The following PDE1C variants were observed in gnomAD, a reference collection of about 807,000 sequenced individuals.
PDE1C encodes the protein dual specificity calcium/calmodulin-dependent 3',5'-cyclic nucleotide phosphodiesterase 1C.
A neutral mutation model predicts 93.1 loss-of-function variants in PDE1C; 62 were observed. That is an observed-to-expected ratio of 0.67 (90% confidence interval 0.54 to 0.82). PDE1C has a LOEUF of 0.82. PDE1C is among the 40% of genes least tolerant of loss of function. The pLI is 0.00. For missense variants in PDE1C, 742 were observed against 884.6 expected (o/e 0.84, Z 2.04); for synonymous variants, 325 against 310.1 (o/e 1.05, Z -0.50).
rs537011653 is a variant in PDE1C, at chr7:32,046,418, TC to T, written c.128+5135del. 2.7e-3 allele frequency among the ~76,000 whole-genome samples: 408 copies of T among 152,236 alleles called. 1 individual carries two copies. The highest frequency in any genetic ancestry group is 9.1e-3 in the African/African-American group (378 of 41,528). ...AGAGTATATGATAATGTAAGTATCC[TC>T]CCAACAGATCTGATTGTTCCCAATG... On this transcript the variant is annotated intron_variant, in intron 2 of 17. Transcript: ENST00000396191.
intron 15 of PDE1C, among the ~76,000 whole-genome samples, chr7:31,812,745 A>T (rs1411074247): frequency 6.6e-6 from 1 of 152,142 alleles, no homozygotes; most frequent in Non-Finnish European, 1.5e-5. Context: ...CCTTATAGAA[A>T]AAGCATGCCA....
At position 31,850,701 on chromosome 7, in the gene PDE1C, G is replaced by A; in HGVS notation, c.791C>T (p.Ser264Leu). Residue 264 changes from serine to leucine, a missense_variant, in exon 8 of 18, where the codon TCA becomes TTA. Coordinates refer to ENST00000396191, the MANE Select transcript of PDE1C (RefSeq NM_001191057.4). ...ATGCTCGTAGTCATGGATGGCAGCTGAGAAGATTATAGCAAAGATCTCCAG... is the reference window on the plus strand; with the variant it reads ...ATGCTCGTAGTCATGGATGGCAGCTAAGAAGATTATAGCAAAGATCTCCAG... Reference protein sequence around the residue: ...TELEIFAIIFSAAIHDYEHTG... With the variant: ...TELEIFAIIFLAAIHDYEHTG... 1 of 1,613,438 alleles carries A rather than the reference G, an allele frequency of 6.2e-7. No individual in the cohort carries two copies. Among genetic ancestry groups the A allele is most frequent in the Non-Finnish European group, 8.5e-7 (1 of 1,179,512 alleles).
At chr7:31,828,089 T>C (rs992518349) in intron 12 of PDE1C, among the ~76,000 whole-genome samples, 4 of 152,140 alleles carry the variant, frequency 2.6e-5, no homozygotes, top group African/African-American at 7.2e-5. Flanking sequence ...AAGAGTATCA[T>C]TGTCCAATTC....
At chr7:31,651,233 A>G in the PDE1C span, 1 of 1,613,472 alleles carries the variant, frequency 6.2e-7, no homozygotes, top group African/African-American at 1.3e-5. Context: ...ATGGGACAGC[A>G]GGCCCTCTTT....
At chr7:31,957,260 T>A (rs1175514374) in intron 2 of PDE1C, among the ~76,000 whole-genome samples, 1 of 151,534 alleles carries the variant, frequency 6.6e-6, no homozygotes, top group Non-Finnish European at 1.5e-5. Context: ...GAATAATGCA[T>A]CAGTTTTCCA....
chr7:31,643,711 A>G, the PDE1C span: 9 of 1,614,038 alleles, frequency 5.6e-6, no homozygotes, highest in Non-Finnish European at 7.6e-6. Context: ...GCCCCTCACC[A>G]AATCCGTCTC....
At chr7:31,750,817 T>C (rs1453329364), downstream of PDE1C, among the ~76,000 whole-genome samples, 2 of 152,298 alleles carry the variant, frequency 1.3e-5, no homozygotes, top group Non-Finnish European at 2.9e-5. Context: ...CTGCAAGCTC[T>C]GCCTCCAAGG....
chr7:31,824,705 A>G (rs1399356345), intron 13 of PDE1C, among the ~76,000 whole-genome samples, 162 bp downstream of exon 13: 1 of 152,098 alleles, frequency 6.6e-6, no homozygotes, highest in Non-Finnish European at 1.5e-5. Flanking sequence ...GGATAATACA[A>G]TTTCAACTCC....
At chr7:32,047,294 C>T (rs1043671182) in intron 2 of PDE1C, among the ~76,000 whole-genome samples, 1 of 152,108 alleles carries the variant, frequency 6.6e-6, no homozygotes, top group Non-Finnish European at 1.5e-5. Context: ...AGGTTTACAG[C>T]GTAATCCTCT....
At chr7:32,212,403 A>G (rs1012975824) in intron 1 of PDE1C, among the ~76,000 whole-genome samples, 4 of 152,180 alleles carry the variant, frequency 2.6e-5, no homozygotes, top group African/African-American at 9.7e-5. Flanking sequence ...GGACACCAGG[A>G]GAGTTTCCTC....
chr7:31,730,475 A>C, the PDE1C span, among the ~76,000 whole-genome samples: 1 of 152,188 alleles, frequency 6.6e-6, no homozygotes, highest in African/African-American at 2.4e-5. Context: ...ACTGGAAACT[A>C]ACCAGGGTGT....
chr7:32,361,107 C>T (rs1171720216), intron 1 of PDE1C, among the ~76,000 whole-genome samples: 2 of 152,106 alleles, frequency 1.3e-5, no homozygotes, highest in African/African-American at 4.8e-5. Flanking sequence ...ATGCAGGGCA[C>T]CTTCACACCC....
chr7:32,061,244 G>A (rs569560394), intron 1 of PDE1C, among the ~76,000 whole-genome samples: 2 of 152,216 alleles, frequency 1.3e-5, no homozygotes, highest in Non-Finnish European at 2.9e-5. Context: ...GGCCTTAAGG[G>A]AAAGGAAAGC....
chr7:31,908,627 C>T (rs539492785), intron 2 of PDE1C, among the ~76,000 whole-genome samples: 4 of 152,220 alleles, frequency 2.6e-5, no homozygotes, highest in South Asian at 2.1e-4. Context: ...ACAGATATGA[C>T]GTAGTTAATG....
intron 1 of PDE1C, among the ~76,000 whole-genome samples, chr7:32,328,870 G>T (rs1248193725): frequency 1.3e-5 from 2 of 152,088 alleles, no homozygotes; most frequent in Non-Finnish European, 2.9e-5. Flanking sequence ...GGCCTTCTTG[G>T]TCACTACTGC....
chr7:31,952,706 A>T (rs1490770043), intron 2 of PDE1C, among the ~76,000 whole-genome samples: 1 of 152,130 alleles, frequency 6.6e-6, no homozygotes, highest in East Asian at 1.9e-4. Context: ...GACTAATGAT[A>T]CCTGCTTGTC....
At chr7:31,768,009 G>T (rs560307826) in intron 17 of PDE1C, among the ~76,000 whole-genome samples, 3 of 152,326 alleles carry the variant, frequency 2.0e-5, no homozygotes, top group Middle Eastern at 3.4e-3. Context: ...TTCTTGAAAG[G>T]CCAGAAGGTT....
At chr7:32,152,835 A>C (rs371873897) in intron 3 of PDE1C, among the ~76,000 whole-genome samples, 1 of 152,336 alleles carries the variant, frequency 6.6e-6, no homozygotes, top group Non-Finnish European at 1.5e-5. Flanking sequence ...TCCATGAAAA[A>C]ATTAGGACAA....
At chr7:32,053,512 G>A (rs932764032) in intron 1 of PDE1C, among the ~76,000 whole-genome samples, 4 of 152,158 alleles carry the variant, frequency 2.6e-5, no homozygotes, top group Non-Finnish European at 4.4e-5. Flanking sequence ...CAACTGGCAA[G>A]ACGAAAAAAT....
Sources: gnomAD v4.1 joint callset for allele counts (sites outside exome capture counted in the v4.1 genomes callset) on GRCh38, gnomAD v4.1.1 for gene constraint, MANE v1.5 for transcripts, NCBI Gene and HGNC (gene_info 2026-07-23, HGNC 2026-07-21) for gene names.